FRMPD4: variants seen among roughly 807,000 people sequenced by gnomAD.
FRMPD4 encodes FERM and PDZ domain-containing protein 4.
A neutral mutation model predicts 94.1 loss-of-function variants in FRMPD4; 22 were observed. The observed-to-expected ratio is 0.23, with a 90% CI of 0.17 to 0.33. The LOEUF (loss-of-function observed/expected upper bound fraction) is 0.33, where lower values mean the gene tolerates loss of function less well. Ranked by LOEUF, FRMPD4 falls within the 10% of genes least tolerant of loss-of-function variation. The probability of loss-of-function intolerance (pLI) is 1.00; values close to 1 mark genes in which losing one functional copy is unlikely to be tolerated. For missense variants in FRMPD4, 1,111 were observed against 1,339.9 expected, an observed-to-expected ratio of 0.83 and a Z score of 2.67; for synonymous variants, 631 against 548.6, an observed-to-expected ratio of 1.15 and a Z score of -2.10.
At chrX:11,911,739 T>C (rs2053998090) in intron 3 of FRMPD4, among the ~76,000 whole-genome samples, 1 of 111,754 alleles carries the variant, frequency 8.9e-6, no homozygotes, top group African/African-American at 3.3e-5. Flanking sequence ...CTTTGGAACA[T>C]TGAGAGAGAT....
intron 1 of FRMPD4, among the ~76,000 whole-genome samples, chrX:12,241,109 A>G (rs2057124121): frequency 8.9e-6 from 1 of 112,511 alleles, no homozygotes; most frequent in Non-Finnish European, 1.9e-5. Flanking sequence ...GAATTTCTCA[A>G]TATCAGTAAT....
intron 1 of FRMPD4, among the ~76,000 whole-genome samples, chrX:12,179,873 C>CTT (rs58312340): frequency 1.7e-3 from 158 of 91,347 alleles, no homozygotes; most frequent in Non-Finnish European, 2.0e-3. Context: ...CTAACCTAGC[C>CTT]TTTTTTTTTT....
chrX:12,277,754 A>G (rs1396683497), intron 1 of FRMPD4, among the ~76,000 whole-genome samples: 1 of 112,189 alleles, frequency 8.9e-6, no homozygotes, highest in Non-Finnish European at 1.9e-5. Flanking sequence ...CACAATATCA[A>G]TAGAGGTATC....
At chrX:12,591,261 T>G (rs1346951819) in intron 2 of FRMPD4, among the ~76,000 whole-genome samples, 1 of 111,864 alleles carries the variant, frequency 8.9e-6, no homozygotes, top group East Asian at 2.8e-4. Flanking sequence ...ATTAAGAAAA[T>G]TGTAAGAAAG....
chrX:12,311,225 G>T (rs1443785967), intron 1 of FRMPD4, among the ~76,000 whole-genome samples: 1 of 111,893 alleles, frequency 8.9e-6, no homozygotes, highest in Non-Finnish European at 1.9e-5. Flanking sequence ...CATTTCCAGG[G>T]CTATCTGACT....
chrX:12,706,477 A>G (rs1206433895), intron 11 of FRMPD4, among the ~76,000 whole-genome samples: 1 of 111,729 alleles, frequency 9.0e-6, no homozygotes, highest in Non-Finnish European at 1.9e-5. Flanking sequence ...AATTGCAAGT[A>G]GAAGGCCCAC....
chrX:12,451,121 T>C (rs770287618), intron 1 of FRMPD4, among the ~76,000 whole-genome samples: 94 of 111,385 alleles, frequency 8.4e-4, no homozygotes, highest in Admixed American at 8.1e-3. Flanking sequence ...GGCTCTTCCA[T>C]TGGACCTGAA....
intron 2 of FRMPD4, among the ~76,000 whole-genome samples, chrX:12,582,621 C>A (rs941463319): frequency 8.9e-6 from 1 of 112,166 alleles, no homozygotes; most frequent in Admixed American, 9.4e-5. Flanking sequence ...CAGGAAAGCA[C>A]TATGGACAGT....
At chrX:12,413,712 G>C (rs759129854) in intron 1 of FRMPD4, among the ~76,000 whole-genome samples, 1 of 111,982 alleles carries the variant, frequency 8.9e-6, no homozygotes, top group Non-Finnish European at 1.9e-5. Context: ...GTGTTATACT[G>C]ACTATTGCAT....
chrX:11,867,065 ATAT>A (rs1239188121), intron 2 of FRMPD4, among the ~76,000 whole-genome samples: 1 of 111,209 alleles, frequency 9.0e-6, no homozygotes. Flanking sequence ...ATATCAGAGT[ATAT>A]TATTAAGTAT....
intron 2 of FRMPD4, among the ~76,000 whole-genome samples, chrX:12,566,484 A>G (rs2058713813): frequency 8.9e-6 from 1 of 111,772 alleles, no homozygotes; most frequent in Admixed American, 9.5e-5. Context: ...AAAAAGATTC[A>G]CTTCATAGCA....
chrX:12,651,299 C>A (rs2059593299), intron 4 of FRMPD4, among the ~76,000 whole-genome samples: 2 of 109,455 alleles, frequency 1.8e-5, no homozygotes, highest in African/African-American at 6.6e-5. Flanking sequence ...ATTTTCTCTC[C>A]CTTTCCTCCC....
At chrX:11,851,168 G>A (rs2053619941) in intron 1 of FRMPD4, among the ~76,000 whole-genome samples, 1 of 111,563 alleles carries the variant, frequency 9.0e-6, no homozygotes, top group Non-Finnish European at 1.9e-5. Flanking sequence ...CCTACCTGAA[G>A]ATCAGTCGTT....
chrX:12,490,635 C>T (rs900162687), intron 1 of FRMPD4, among the ~76,000 whole-genome samples: 1 of 111,461 alleles, frequency 9.0e-6, no homozygotes, highest in African/African-American at 3.3e-5. Context: ...CGGTATTAGT[C>T]CTAGTTTTCA....
At position 12,366,392 on chromosome X, in the gene FRMPD4, C is replaced by T. The variant is rs1601863218; in HGVS notation, c.42-132288C>T. On this transcript the variant is annotated intron_variant, in intron 1 of 16. Transcript: ENST00000675598. Reference sequence around the variant, plus strand: ...GCTGTAGGCAACCAGTGGGATTGAACAGGGGAGTGAGAAAATTAGACAGGA... The same window carrying T: ...GCTGTAGGCAACCAGTGGGATTGAATAGGGGAGTGAGAAAATTAGACAGGA... Among the ~76,000 whole-genome samples, 3 of 110,852 alleles carry T rather than the reference C, an allele frequency of 2.7e-5. No individual in the cohort carries two copies. The East Asian group carries it at 8.5e-4, about 31-fold the overall frequency.
At position 12,127,581 on chromosome X, in the gene FRMPD4, C is replaced by T. The variant is rs186571900; in HGVS notation, c.95+249563C>T. 3.2e-4 allele frequency among the ~76,000 whole-genome samples: 36 copies of T among 111,327 alleles called. No individual in the cohort carries two copies. The South Asian group carries it at 8.5e-3, about 26-fold the overall frequency. On this transcript the variant is annotated intron_variant, in intron 3 of 18. Transcript: ENST00000640291. The stretch of plus-strand genomic sequence containing the variant: ...AGAGTTGGATGGGGACACAGCCAAA[C>T]CATATCATTCTGCCCCTGGCCCCTC...
intron 2 of FRMPD4, among the ~76,000 whole-genome samples, chrX:12,593,179 G>A (rs1418217054): frequency 8.9e-6 from 1 of 112,039 alleles, no homozygotes. Context: ...GGAAGTAAGC[G>A]TTCTAAATTT....
intron 4 of FRMPD4, among the ~76,000 whole-genome samples, chrX:12,654,603 A>G (rs2059633565): frequency 8.9e-6 from 1 of 112,044 alleles, no homozygotes; most frequent in Admixed American, 9.5e-5. Context: ...GAGTCATGAG[A>G]TGGAAGTCAA....
intron 1 of FRMPD4, among the ~76,000 whole-genome samples, chrX:12,417,948 C>T (rs1431272993): frequency 1.0e-5 from 1 of 95,510 alleles, no homozygotes; most frequent in African/African-American, 3.9e-5. Context: ...GAGCCAAGTT[C>T]GTGCCACTGC....
Sources: allele counts gnomAD v4.1 joint callset (sites outside exome capture counted in the v4.1 genomes callset), GRCh38; gene constraint gnomAD v4.1.1; transcripts MANE v1.5; gene names NCBI Gene and HGNC (gene_info 2026-07-23, HGNC 2026-07-21).